GRIP1: variants seen among roughly 807,000 people sequenced by gnomAD.
The protein encoded by GRIP1 is glutamate receptor-interacting protein 1.
GRIP1 carries 45 observed loss-of-function variants against 129.9 expected under a neutral mutation model. The observed-to-expected ratio is 0.35, with a 90% confidence interval of 0.27 to 0.44. The LOEUF (loss-of-function observed/expected upper bound fraction) is 0.44. GRIP1 is among the 20% of genes least tolerant of loss of function. GRIP1 has a pLI of 1.00. For synonymous variants in GRIP1, 530 were observed against 520.8 expected, an observed-to-expected ratio of 1.02 and a Z score of -0.24; for missense variants, 1,196 against 1,396.8, an observed-to-expected ratio of 0.86 and a Z score of 2.29.
At chr12:66,529,792 A>AT in intron 5 of GRIP1, 39 bp downstream of exon 5, 1 of 1,077,020 alleles carries the variant, frequency 9.3e-7, no homozygotes, top group Non-Finnish European at 1.4e-6. Context: ...ACCTATGGAA[A>AT]TATTTTTTTT....
chr12:66,731,123 T>C (rs1273573020), intron 1 of GRIP1, among the ~76,000 whole-genome samples: 1 of 152,188 alleles, frequency 6.6e-6, no homozygotes, highest in East Asian at 1.9e-4. Context: ...AGATATTTTC[T>C]CTGCCTGTGG....
chr12:66,977,108 C>A (rs2042163643), intron 1 of GRIP1, among the ~76,000 whole-genome samples: 1 of 151,748 alleles, frequency 6.6e-6, no homozygotes, highest in Non-Finnish European at 1.5e-5. Flanking sequence ...GGATAGCTCC[C>A]AGAGAAAGAT....
At chr12:66,790,721 T>C (rs1303576589) in intron 1 of GRIP1, among the ~76,000 whole-genome samples, 1 of 151,914 alleles carries the variant, frequency 6.6e-6, no homozygotes, top group Non-Finnish European at 1.5e-5. Context: ...AGGTATTGAG[T>C]TCAGTTTAGG....
intron 1 of GRIP1, among the ~76,000 whole-genome samples, chr12:66,977,545 C>T (rs4129262): frequency 0.15 from 23,363 of 151,954 alleles, 1,904 homozygotes; most frequent in Admixed American, 0.18. Flanking sequence ...GCTGGCAGAC[C>T]CCATGGTGCC....
At chr12:66,428,633 C>T (rs1280776788) in intron 14 of GRIP1, among the ~76,000 whole-genome samples, 1 of 152,150 alleles carries the variant, frequency 6.6e-6, no homozygotes, top group Admixed American at 6.5e-5. Flanking sequence ...ATCCCTGCTT[C>T]ACTTTTTATT....
intron 1 of GRIP1, among the ~76,000 whole-genome samples, chr12:66,714,895 CCAT>C (rs2035825425): frequency 6.8e-6 from 1 of 147,518 alleles, no homozygotes. Flanking sequence ...ACCCATCCAT[CCAT>C]CCATCCATCC....
chr12:66,902,003 G>C (rs58864847), intron 1 of GRIP1, among the ~76,000 whole-genome samples: 235 of 152,282 alleles, frequency 1.5e-3, no homozygotes, highest in African/African-American at 5.1e-3. Context: ...GAAAACATGA[G>C]CTTTGCAGTC....
intron 1 of GRIP1, among the ~76,000 whole-genome samples, chr12:66,825,643 T>G (rs2039397393): frequency 6.6e-6 from 1 of 152,186 alleles, no homozygotes; most frequent in Admixed American, 6.6e-5. Context: ...ATTAAATGAA[T>G]GTACAGTGCC....
At chr12:66,817,202 GCACACACACACACA>G (rs57507955) in intron 1 of GRIP1, among the ~76,000 whole-genome samples, 20 of 136,222 alleles carry the variant, frequency 1.5e-4, no homozygotes, top group Middle Eastern at 4.0e-3. Context: ...TTTTCAGTAT[GCACACACACACACA>G]CACACACACA....
chr12:66,791,602 C>T (rs764952397), intron 1 of GRIP1, among the ~76,000 whole-genome samples: 6 of 151,744 alleles, frequency 4.0e-5, no homozygotes, highest in Non-Finnish European at 7.4e-5. Context: ...ACTTGAGGGG[C>T]CTGGTATCAG....
chr12:66,633,176 C>G (rs1018484201), intron 1 of GRIP1, among the ~76,000 whole-genome samples: 6 of 148,656 alleles, frequency 4.0e-5, no homozygotes, highest in Non-Finnish European at 8.9e-5. Flanking sequence ...CTATGCCCGG[C>G]TAATTTTTGT....
At chr12:66,488,025 T>C (rs574967076) in intron 7 of GRIP1, among the ~76,000 whole-genome samples, 35 of 152,244 alleles carry the variant, frequency 2.3e-4, no homozygotes, top group African/African-American at 7.7e-4. Flanking sequence ...CACACAGTAA[T>C]AGTGGGAGAT....
chr12:66,681,172 G>A (rs1047629659), upstream of GRIP1, among the ~76,000 whole-genome samples: 1 of 152,094 alleles, frequency 6.6e-6, no homozygotes, highest in Non-Finnish European at 1.5e-5. Flanking sequence ...CTGCCCAGGT[G>A]CAGCCCCAGG....
chr12:66,630,722 A>G (rs1314101284), intron 1 of GRIP1, among the ~76,000 whole-genome samples: 1 of 152,178 alleles, frequency 6.6e-6, no homozygotes, highest in Non-Finnish European at 1.5e-5. Flanking sequence ...AATCAAAGCA[A>G]TAGTCTGCTT....
At chr12:66,623,261 C>T (rs1051420769) in intron 1 of GRIP1, among the ~76,000 whole-genome samples, 1 of 152,140 alleles carries the variant, frequency 6.6e-6, no homozygotes, top group African/African-American at 2.4e-5. Context: ...TTTCATAAAT[C>T]TTTAATCAAA....
chr12:66,740,449 T>C (rs2036754275), intron 1 of GRIP1, among the ~76,000 whole-genome samples: 1 of 152,200 alleles, frequency 6.6e-6, no homozygotes, highest in Non-Finnish European at 1.5e-5. Context: ...GTTTTTCTCC[T>C]AGAATCTGAA....
chr12:66,372,059 A>G, intron 22 of GRIP1, 132 bp from the exon 23 acceptor site: 3 of 699,406 alleles, frequency 4.3e-6, no homozygotes, highest in Non-Finnish European at 7.8e-6. Context: ...AAAGGCTGGA[A>G]AATGGATGTA....
Position 66,371,909 on chromosome 12 carries a change from TCC to T in GRIP1, c.2795_2796del (p.Gly932GlufsTer8). On this transcript the variant is annotated frameshift_variant, in exon 23 of 25. Transcript: ENST00000359742. LOFTEE classifies it high-confidence loss of function. ...NMTLLATIMS[G>X]STMSLNHEAP... ...GCCTCATGATTCAAACTCATCGTGC[TCC>T]CCGACATGATTGTTGCCTGTGGCAT... 6.2e-7 allele frequency: 1 copy of T among 1,610,576 alleles called. No individual in the cohort carries two copies. The highest frequency in any genetic ancestry group is 8.5e-7 in the Non-Finnish European group (1 of 1,178,632).
intron 1 of GRIP1, among the ~76,000 whole-genome samples, chr12:66,747,606 A>C (rs2036989786): frequency 1.3e-5 from 2 of 152,208 alleles, no homozygotes; most frequent in South Asian, 4.1e-4. Context: ...ACACAAAGTA[A>C]GAAAAGCTTA....
Sources: gnomAD v4.1 joint callset for allele counts (sites outside exome capture counted in the v4.1 genomes callset) on GRCh38, gnomAD v4.1.1 for gene constraint, MANE v1.5 for transcripts, NCBI Gene and HGNC (gene_info 2026-07-23, HGNC 2026-07-21) for gene names.